The following SUN2 variants were observed in gnomAD, a reference collection of about 807,000 sequenced individuals.
The protein encoded by SUN2 is Sad1 and UNC84 domain containing 2.
SUN2 carries 60 observed loss-of-function variants against 100.0 expected under a neutral mutation model. The ratio of observed to expected loss-of-function variants is 0.60; its 90% confidence interval spans 0.49 to 0.74. The LOEUF is 0.74. Among genes scored for constraint, SUN2 ranks in the 30% least tolerant of loss-of-function variants. The pLI is 0.00. For missense variants in SUN2, 834 were observed against 954.6 expected (o/e 0.87, Z 1.66); for synonymous variants, 367 against 403.3 (o/e 0.91, Z 1.08).
Position 38,755,144 on chromosome 22 carries a change from T to A in SUN2, c.-38+619A>T, listed in dbSNP as rs2092976073. The A allele has an allele frequency of 9.5e-7, 1 of 1,047,536 alleles. No individual in the cohort carries two copies. Among genetic ancestry groups the A allele is most frequent in the Non-Finnish European group, 1.2e-6 (1 of 811,112 alleles). 64.9% of individuals were successfully genotyped at this position (1,047,536 alleles called of 1,614,324 possible). On this transcript the variant is annotated intron_variant, in intron 1 of 17. Coordinates refer to ENST00000689035, the MANE Select transcript of SUN2 (RefSeq NM_015374.3). This position sits in a 1 kb window ranked among gnomAD's most constrained non-coding sequence, Gnocchi z 5.7. ...AAACATCTCCATCCATCTTCAGACTTAAACCAGATCTGGGGCATCTTCCTC... is the reference window on the plus strand; with the variant it reads ...AAACATCTCCATCCATCTTCAGACTAAAACCAGATCTGGGGCATCTTCCTC...
At chr22:38,736,543 TC>T (rs1391911922) in intron 17 of SUN2, 163 bp from the exon 18 acceptor site, 8 of 533,542 alleles carry the variant, frequency 1.5e-5, no homozygotes, top group African/African-American at 3.8e-5. Flanking sequence ...ATCTTTAGCC[TC>T]CTGAGCAGTG....
rs1437813645 is a variant in SUN2, at chr22:38,755,467, G to A, written c.-38+296C>T. On this transcript the variant is annotated intron_variant, in intron 1 of 17. Coordinates refer to ENST00000689035, the MANE Select transcript of SUN2 (RefSeq NM_015374.3). The surrounding 1 kb of genome is among the most constrained non-coding windows in gnomAD (Gnocchi z 5.7). ...GGCACAAAACCCGTAGGCGCTGCCC[G>A]GGGCCGGGTTGGGGCAGTCGGCCTT... 1.0e-4 allele frequency: 102 copies of A among 989,374 alleles called. No homozygotes were observed. Among genetic ancestry groups the A allele is most frequent in the Non-Finnish European group, 1.2e-4 (98 of 832,006 alleles). 61.3% of individuals were successfully genotyped at this position (989,374 alleles called of 1,614,324 possible).
Position 38,740,901 on chromosome 22 carries a change from A to G in SUN2, c.1190+106T>C. 3 of 1,253,096 alleles carry G rather than the reference A, an allele frequency of 2.4e-6. No individual in the cohort carries two copies. In the South Asian group the frequency reaches 3.8e-5, roughly 16 times the overall value. 77.6% of individuals were successfully genotyped at this position (1,253,096 alleles called of 1,614,324 possible). ...CCCCTCCCCCTACCATCTGCTTGGC[A>G]AGATGATCAGAACTCTCTGCTCTGC... On this transcript the variant is annotated intron_variant, in intron 11 of 17. Transcript: ENST00000689035. The surrounding 1 kb of genome is among the most constrained non-coding windows in gnomAD (Gnocchi z 4.8).
In SUN2 at chr22:38,755,684, G is replaced by T; in HGVS notation, c.-38+79C>A. 1.0e-6 allele frequency: 1 copy of T among 980,654 alleles called. No homozygotes were observed. Among genetic ancestry groups the T allele is most frequent in the Non-Finnish European group, 1.2e-6 (1 of 825,644 alleles). The allele number at this position is 980,654 out of a possible 1,614,324, so 60.7% of individuals were successfully genotyped here. A position where few individuals can be genotyped will look rare whatever the true frequency, so the allele number is the denominator to read the frequency against. The stretch of plus-strand genomic sequence containing the variant: ...GAAGCAGGCCTGGCGGCGCGGCCCC[G>T]CCCGAGTGGCCCGACGGTGACCCGG... On this transcript the variant is annotated intron_variant, in intron 1 of 17. Transcript: ENST00000689035. This position sits in a 1 kb window ranked among gnomAD's most constrained non-coding sequence, Gnocchi z 5.7.
At position 38,740,491 on chromosome 22, in the gene SUN2, C is replaced by A; in HGVS notation, c.1191-59G>T. 1 of 1,404,814 alleles carries A rather than the reference C, an allele frequency of 7.1e-7. No homozygotes were observed. The highest frequency in any genetic ancestry group is 9.3e-7 in the Non-Finnish European group (1 of 1,071,844). The allele number at this position is 1,404,814 out of a possible 1,614,324, so 87.0% of individuals were successfully genotyped here. A position where few individuals can be genotyped will look rare whatever the true frequency, so the allele number is the denominator to read the frequency against. ...CTCTTTGGTGGGAGGTAAGGCCACA[C>A]CAAAGATGAAAGAGGACCCCCTAGT... is the stretch of plus-strand genomic sequence containing the variant. On this transcript the variant is annotated intron_variant, in intron 11 of 17. Transcript: ENST00000689035. This position sits in a 1 kb window ranked among gnomAD's most constrained non-coding sequence, Gnocchi z 4.8.
chr22:38,736,966 C>A (rs1248336787), intron 17 of SUN2, among the ~76,000 whole-genome samples: 1 of 152,188 alleles, frequency 6.6e-6, no homozygotes, highest in Non-Finnish European at 1.5e-5. Flanking sequence ...ACCTTAGCCT[C>A]CCCAGTAGCT....
rs758664387 is a variant in SUN2, at chr22:38,741,147, C to T, written c.1147-97G>A. On this transcript the variant is annotated intron_variant, in intron 10 of 17. Coordinates refer to ENST00000689035, the MANE Select transcript of SUN2 (RefSeq NM_015374.3). ...GTCTGTTAGCGTCTTTGCTTAACCA[C>T]ACCCCTGCCCAAGGTCTCTTGACCC... 10 of 1,358,080 alleles carry T rather than the reference C, an allele frequency of 7.4e-6. No homozygotes were observed. The African/African-American group carries it at 8.7e-5, about 12-fold the overall frequency. The allele number at this position is 1,358,080 out of a possible 1,614,324, so 84.1% of individuals were successfully genotyped here.
At position 38,738,393 on chromosome 22, in the gene SUN2, T is replaced by A; in HGVS notation, c.1948-128A>T. On this transcript the variant is annotated intron_variant, in intron 16 of 17. Coordinates refer to ENST00000689035, the MANE Select transcript of SUN2 (RefSeq NM_015374.3). This position sits in a 1 kb window ranked among gnomAD's most constrained non-coding sequence, Gnocchi z 6.6. Reference sequence around the variant, plus strand: ...TGGCCTATGACAAGTCACTTCACTCTCTTGTGCCACAGTTTCTGCCTCCAA... The same window carrying A: ...TGGCCTATGACAAGTCACTTCACTCACTTGTGCCACAGTTTCTGCCTCCAA... The A allele has an allele frequency of 9.1e-7, 1 of 1,095,652 alleles. No homozygotes were observed. The highest frequency in any genetic ancestry group is 1.3e-6 in the Non-Finnish European group (1 of 756,652). 67.9% of individuals were successfully genotyped at this position (1,095,652 alleles called of 1,614,324 possible). A position where few individuals can be genotyped will look rare whatever the true frequency, so the allele number is the denominator to read the frequency against.
Position 38,755,092 on chromosome 22 carries a change from T to C in SUN2, c.-38+671A>G, listed in dbSNP as rs1349703972. 2.0e-6 allele frequency: 2 copies of C among 995,258 alleles called. No homozygotes were observed. The highest frequency in any genetic ancestry group is 2.6e-6 in the Non-Finnish European group (2 of 759,328). 61.7% of individuals were successfully genotyped at this position (995,258 alleles called of 1,614,324 possible). A position where few individuals can be genotyped will look rare whatever the true frequency, so the allele number is the denominator to read the frequency against. Reference sequence around the variant, plus strand: ...CCCACTTCTCAGCTGGGCGACTTCCTTTCTCAATTCCGCCCTTCCCCATCA... The same window carrying C: ...CCCACTTCTCAGCTGGGCGACTTCCCTTCTCAATTCCGCCCTTCCCCATCA... On this transcript the variant is annotated intron_variant, in intron 1 of 17. Transcript: ENST00000689035. This position sits in a 1 kb window ranked among gnomAD's most constrained non-coding sequence, Gnocchi z 5.7.
rs1423190877 is a variant in SUN2, at chr22:38,740,407, T to C, written c.1216A>G (p.Ser406Gly). The change falls in exon 12 of 18, where the codon AGC becomes GGC. Residue 406 changes from serine to glycine, a missense_variant. Physicochemically the swap from Ser to Gly is moderately conservative, Grantham distance 56. Coordinates refer to ENST00000689035, the MANE Select transcript of SUN2 (RefSeq NM_015374.3). This position sits in a 1 kb window ranked among gnomAD's most constrained non-coding sequence, Gnocchi z 4.8. ...QSMTQESFQE[S>G]SVKELRRLED... Reference sequence around the variant, plus strand: ...AGCCGCCTCAGCTCCTTCACAGAGCTCTCCTGGAAGGACTCCTGGGTCATG... The same window carrying C: ...AGCCGCCTCAGCTCCTTCACAGAGCCCTCCTGGAAGGACTCCTGGGTCATG... The C allele has an allele frequency of 6.4e-7, 1 of 1,557,040 alleles. No individual in the cohort carries two copies. The highest frequency in any genetic ancestry group is 1.2e-5 in the South Asian group (1 of 84,736).
At position 38,746,989 on chromosome 22, in the gene SUN2, G is replaced by A. The variant is rs545762713; in HGVS notation, c.686-1178C>T. On this transcript the variant is annotated intron_variant, in intron 7 of 17. Transcript: ENST00000689035. ...GTGGAGCTTGCAGTGAGTCAAGATC[G>A]CACGACTGCACTCCAGCCTGGGCGA... Among the ~76,000 whole-genome samples, 26 of 150,668 alleles carry A rather than the reference G, an allele frequency of 1.7e-4. 1 individual carries two copies. The Admixed American group carries it at 1.7e-3, about 10-fold the overall frequency.
Position 38,739,241 on chromosome 22 carries a change from G to T in SUN2, c.1663+101C>A. The T allele has an allele frequency of 7.5e-7, 1 of 1,330,954 alleles. No homozygotes were observed. Among genetic ancestry groups the T allele is most frequent in the Non-Finnish European group, 1.1e-6 (1 of 925,446 alleles). The allele number at this position is 1,330,954 out of a possible 1,614,324, so 82.4% of individuals were successfully genotyped here. ...AGGTTGGGTGATTTCTGCTGATCCT[G>T]AGCTTTGCTTGCTCTGCCCCACCAC... On this transcript the variant is annotated intron_variant, in intron 14 of 17. Transcript: ENST00000689035. The surrounding 1 kb of genome is among the most constrained non-coding windows in gnomAD (Gnocchi z 6.7).
chr22:38,755,143 T>C lies in SUN2; in HGVS notation c.-38+620A>G. 9.6e-7 allele frequency: 1 copy of C among 1,045,490 alleles called. No homozygotes were observed. Among genetic ancestry groups the C allele is most frequent in the South Asian group, 1.6e-5 (1 of 61,820 alleles). The allele number at this position is 1,045,490 out of a possible 1,614,324, so 64.8% of individuals were successfully genotyped here. ...CAAACATCTCCATCCATCTTCAGAC[T>C]TAAACCAGATCTGGGGCATCTTCCT... On this transcript the variant is annotated intron_variant, in intron 1 of 17. Coordinates refer to ENST00000689035, the MANE Select transcript of SUN2 (RefSeq NM_015374.3). The surrounding 1 kb of genome is among the most constrained non-coding windows in gnomAD (Gnocchi z 5.7).
intron 8 of SUN2, chr22:38,742,901 G>T (rs748838807): frequency 4.5e-6 from 1 of 221,184 alleles, no homozygotes; most frequent in Non-Finnish European, 9.0e-6. Flanking sequence ...GCTGCAGGGG[G>T]CCGTGGACCC....
chr22:38,741,038 G>T lies in SUN2; in HGVS notation c.1159C>A (p.Arg387Ser), dbSNP rs143685496. The T allele has an allele frequency of 3.8e-6, 6 of 1,597,796 alleles. No homozygotes were observed. The highest frequency in any genetic ancestry group is 5.1e-6 in the Non-Finnish European group (6 of 1,171,990). The change falls in exon 11 of 18, where the codon CGC becomes AGC. Residue 387 changes from arginine (R) to serine (S), a missense_variant. Coordinates refer to ENST00000689035, the MANE Select transcript of SUN2 (RefSeq NM_015374.3). Reference sequence around the variant, plus strand: ...CACTCTGACTTCAGCTGCTGGATGCGAGCCTCGGACTCCTGTGTAGGAAGA... The same window carrying T: ...CACTCTGACTTCAGCTGCTGGATGCTAGCCTCGGACTCCTGTGTAGGAAGA... ...IVRASQESEA[R>S]IQQLKSEWQS...
At chr22:38,736,558 CCAG>C (rs1182354342) in intron 17 of SUN2, 178 bp from the exon 18 acceptor site, 1 of 498,036 alleles carries the variant, frequency 2.0e-6, no homozygotes, top group African/African-American at 1.9e-5. Flanking sequence ...AGCAGTGTTT[CCAG>C]CCAGTGGGTT....
At chr22:38,749,710 C>A in intron 6 of SUN2, 56 bp downstream of exon 6, 1 of 1,505,936 alleles carries the variant, frequency 6.6e-7, no homozygotes, top group Non-Finnish European at 9.2e-7. Context: ...CACACTTTAC[C>A]CGTCCCTTCA....
rs2092982267 is a variant in SUN2 at position 38,755,961 on chromosome 22, G to A, written c.-236C>T. The A allele has an allele frequency of 1.0e-6, 1 of 983,614 alleles. No individual in the cohort carries two copies. Among genetic ancestry groups the A allele is most frequent in the Non-Finnish European group, 1.2e-6 (1 of 829,220 alleles). 60.9% of individuals were successfully genotyped at this position (983,614 alleles called of 1,614,324 possible). A position where few individuals can be genotyped will look rare whatever the true frequency, so the allele number is the denominator to read the frequency against. On this transcript the variant is annotated 5_prime_UTR_variant, in exon 1 of 18. Transcript: ENST00000689035. The surrounding 1 kb of genome is among the most constrained non-coding windows in gnomAD (Gnocchi z 5.7). ...CGGGCGGACAATGCGGCCGGCGGAG[G>A]CCCGCGCTGCGCGAGTGGGGCCGGG...
chr22:38,750,773 C>T, intron 4 of SUN2, 125 bp downstream of exon 4: 1 of 1,449,654 alleles, frequency 6.9e-7, no homozygotes, highest in African/African-American at 1.4e-5. Context: ...CAGGGCCGGG[C>T]ATGGGAGGGG....
Sources: allele counts gnomAD v4.1 joint callset (sites outside exome capture counted in the v4.1 genomes callset), GRCh38; gene constraint gnomAD v4.1.1; non-coding constraint Gnocchi (gnomAD v3.1); transcripts MANE v1.5; gene names NCBI Gene and HGNC (gene_info 2026-07-23, HGNC 2026-07-21).